The following METTL23 variants were observed in gnomAD, a reference collection of about 807,000 sequenced individuals.
METTL23 encodes the protein histone-arginine methyltransferase METTL23.
METTL23 carries 24 observed loss-of-function variants against 21.2 expected under a neutral mutation model. The ratio of observed to expected loss-of-function variants is 1.13; its 90% CI spans 0.82 to 1.59. METTL23 has a LOEUF of 1.59. Among genes scored for constraint, METTL23 ranks in the 40% most tolerant of loss-of-function variants. The pLI is 0.00. For synonymous variants in METTL23, 97 were observed against 75.2 expected (o/e 1.29, Z -1.50); for missense variants, 276 against 221.4 (o/e 1.25, Z -1.57).
intron 2 of METTL23, among the ~76,000 whole-genome samples, chr17:76,732,392 T>G (rs963394942): frequency 6.6e-6 from 1 of 151,896 alleles, no homozygotes; most frequent in Admixed American, 6.6e-5. Flanking sequence ...TCCCAGCTAC[T>G]TGGGAGGCTG....
rs2077350964 is a variant in METTL23, at chr17:76,733,701, C to G, written c.*15C>G. 3 of 1,608,274 alleles carry G rather than the reference C, an allele frequency of 1.9e-6. No individual in the cohort carries two copies. The African/African-American group carries it at 4.0e-5, about 22-fold the overall frequency. Reference sequence around the variant, plus strand: ...ACAGTCTCTGAATTATACCTACAACCTGTTCTGGGACAGTATCAATACTGA... The same window carrying G: ...ACAGTCTCTGAATTATACCTACAACGTGTTCTGGGACAGTATCAATACTGA... On this transcript the variant is annotated 3_prime_UTR_variant, in exon 5 of 5. Coordinates refer to ENST00000341249, the MANE Select transcript of METTL23 (RefSeq NM_001080510.5).
chr17:76,727,107 C>T lies in METTL23; in HGVS notation c.-93C>T, dbSNP rs1224769582. On this transcript the variant is annotated 5_prime_UTR_variant, in exon 1 of 5. Coordinates refer to ENST00000341249, the MANE Select transcript of METTL23 (RefSeq NM_001080510.5). ...TTTCCGAGGACAGGGGGTCCGGGCC[C>T]AGCGCTTTCGATTCTCGGAGGAGCC... 2.2e-6 allele frequency: 1 copy of T among 453,794 alleles called. No homozygotes were observed. Among genetic ancestry groups the T allele is most frequent in the Non-Finnish European group, 4.4e-6 (1 of 225,934 alleles). 28.1% of individuals were successfully genotyped at this position (453,794 alleles called of 1,614,324 possible).
Position 76,733,618 on chromosome 17 carries a change from G to T in METTL23, c.505G>T (p.Glu169Ter), listed in dbSNP as rs760840008. The change falls in exon 5 of 5, where the codon GAA becomes TAA. Residue 169 changes from glutamate to a stop codon, truncating the protein, a stop_gained. Transcript: ENST00000341249. LOFTEE classifies it high-confidence loss of function. ...SFDADKEDIAESTLPGRHTVE... is the reference protein window; with the variant it reads ...SFDADKEDIA ...TGATGCAGACAAAGAAGATATAGCAGAATCTACCCTTCCAGGAAGACATAC... is the reference window on the plus strand; with the variant it reads ...TGATGCAGACAAAGAAGATATAGCATAATCTACCCTTCCAGGAAGACATAC... 1 of 1,613,800 alleles carries T rather than the reference G, an allele frequency of 6.2e-7. No homozygotes were observed. The highest frequency in any genetic ancestry group is 8.5e-7 in the Non-Finnish European group (1 of 1,179,834).
At chr17:76,730,023 G>A (rs902929625) in intron 2 of METTL23, among the ~76,000 whole-genome samples, 5 of 152,142 alleles carry the variant, frequency 3.3e-5, no homozygotes, top group Admixed American at 6.6e-5. Context: ...TGGGCATGGT[G>A]GCTCACGCCT....
upstream of METTL23, chr17:76,726,258 G>T (rs1013734949): frequency 1.0e-5 from 15 of 1,454,626 alleles, no homozygotes; most frequent in Middle Eastern, 2.2e-4. Flanking sequence ...CGGGCGCTCG[G>T]GGCGAGGGCA....
In METTL23 at chr17:76,733,721, TACTGATG is replaced by T; in HGVS notation, c.*37_*43del. The T allele has an allele frequency of 5.1e-6, 8 of 1,571,722 alleles. No individual in the cohort carries two copies. The highest frequency in any genetic ancestry group is 6.0e-6 in the Non-Finnish European group (7 of 1,157,252). ...ACAACCTGTTCTGGGACAGTATCAA[TACTGATG>T]AGCAACCTGGCACACAAACTATGAG... On this transcript the variant is annotated 3_prime_UTR_variant, in exon 5 of 5. Transcript: ENST00000341249.
intron 2 of METTL23, among the ~76,000 whole-genome samples, chr17:76,731,940 T>C (rs1196093568): frequency 1.3e-5 from 2 of 152,238 alleles, no homozygotes; most frequent in South Asian, 2.1e-4. Context: ...TATTATTTCT[T>C]AGTGTCTGCA....
rs1555651406 is a variant in METTL23 at position 76,733,195 on chromosome 17, A to T, written c.302A>T (p.Asp101Val). 6.2e-7 allele frequency: 1 copy of T among 1,613,828 alleles called. No individual in the cohort carries two copies. Among genetic ancestry groups the T allele is most frequent in the East Asian group, 2.2e-5 (1 of 44,884 alleles). The change falls in exon 3 of 5, where the codon GAT becomes GTT. Residue 101 changes from aspartate (D) to valine (V), a missense_variant. Asp to Val is a radical substitution (Grantham distance 152). Transcript: ENST00000341249. ...CCACAAGATATTATCCTTGCATCTG[A>T]TGTGTTCTTTGAACCAGAAGGTAAG... ...LPPQDIILASDVFFEPEDFED... is the reference protein window; with the variant it reads ...LPPQDIILASVVFFEPEDFED...
At chr17:76,729,026 C>T (rs1317900230) in intron 1 of METTL23, among the ~76,000 whole-genome samples, 2 of 150,668 alleles carry the variant, frequency 1.3e-5, no homozygotes, top group Non-Finnish European at 3.0e-5. Context: ...GTCTCGATCT[C>T]CTGACCTGAT....
At position 76,733,589 on chromosome 17, in the gene METTL23, C is replaced by G. The variant is rs2077340449; in HGVS notation, c.476C>G (p.Ser159Cys). 2 of 1,613,816 alleles carry G rather than the reference C, an allele frequency of 1.2e-6. No homozygotes were observed. Among genetic ancestry groups the G allele is most frequent in the Non-Finnish European group, 1.7e-6 (2 of 1,179,816 alleles). Residue 159 changes from serine to cysteine, a missense_variant, in exon 5 of 5, where the codon TCT becomes TGT. Transcript: ENST00000341249. ...AAATGTGTCCACATTCCTCTTGAGT[C>G]TTTTGATGCAGACAAAGAAGATATA... ...DMKCVHIPLESFDADKEDIAE... is the reference protein window; with the variant it reads ...DMKCVHIPLECFDADKEDIAE...
intron 1 of METTL23, among the ~76,000 whole-genome samples, chr17:76,728,126 C>T (rs913708230): frequency 2.0e-4 from 30 of 152,062 alleles, no homozygotes; most frequent in African/African-American, 7.2e-4. Flanking sequence ...GCCCCAGCTA[C>T]TCCGGAGGGT....
intron 2 of METTL23, chr17:76,732,730 A>G: frequency 3.7e-6 from 2 of 540,550 alleles, no homozygotes; most frequent in East Asian, 6.3e-5. Context: ...ACTGCCAGTT[A>G]CGATACATGG....
rs1188090753 is a variant in METTL23 at position 76,733,273 on chromosome 17, C to T, written c.323-20C>T. On this transcript the variant is annotated intron_variant, in intron 3 of 4. Coordinates refer to ENST00000341249, the MANE Select transcript of METTL23 (RefSeq NM_001080510.5). The stretch of plus-strand genomic sequence containing the variant: ...CAGTGATGCTATATGAAAATCTATT[C>T]ATAAATCCTTTCTCCTCAGATTTTG... The T allele has an allele frequency of 6.2e-7, 1 of 1,613,366 alleles. No individual in the cohort carries two copies. The highest frequency in any genetic ancestry group is 8.5e-7 in the Non-Finnish European group (1 of 1,179,424).
chr17:76,726,689 A>T (rs2076948164), upstream of METTL23: 3 of 609,970 alleles, frequency 4.9e-6, no homozygotes, highest in Non-Finnish European at 5.5e-6. Context: ...CCCCGCCCCG[A>T]CGCCTCTCGC....
intron 2 of METTL23, among the ~76,000 whole-genome samples, chr17:76,732,084 G>A (rs1340954163): frequency 2.0e-5 from 3 of 152,176 alleles, no homozygotes; most frequent in African/African-American, 4.8e-5. Context: ...TAGGCTGAGT[G>A]CTGTGGCTCA....
chr17:76,732,151 A>T (rs2077234590), intron 2 of METTL23, among the ~76,000 whole-genome samples: 1 of 145,586 alleles, frequency 6.9e-6, no homozygotes. Context: ...TGAGGTCAGG[A>T]GTTCAAGACC....
rs1364676414 is a variant in METTL23 at position 76,733,827 on chromosome 17, C to T, written c.*141C>T. ...TGTTTGCCTTAGATTTTGATGTCAC[C>T]TAGACAACACTTAAACTCATATGAA... On this transcript the variant is annotated 3_prime_UTR_variant, in exon 5 of 5. Coordinates refer to ENST00000341249, the MANE Select transcript of METTL23 (RefSeq NM_001080510.5). The T allele has an allele frequency of 3.2e-6, 2 of 616,590 alleles. No homozygotes were observed. Among genetic ancestry groups the T allele is most frequent in the African/African-American group, 3.7e-5 (2 of 53,710 alleles). The allele number at this position is 616,590 out of a possible 1,614,324, so 38.2% of individuals were successfully genotyped here. A position where few individuals can be genotyped will look rare whatever the true frequency, so the allele number is the denominator to read the frequency against.
In METTL23 at chr17:76,733,107, C is replaced by CAGGTGGTAGGACTG; in HGVS notation, c.214_215insAGGTGGTAGGACTG (p.Pro72GlnfsTer11). 6.2e-7 allele frequency: 1 copy of CAGGTGGTAGGACTG among 1,613,310 alleles called. No individual in the cohort carries two copies. Among genetic ancestry groups the CAGGTGGTAGGACTG allele is most frequent in the Non-Finnish European group, 8.5e-7 (1 of 1,179,596 alleles). ...GCAAAGCTGCCAAATGAATAACCTGCCACATCTGCAGGTGGTAGGACTAAC... is the reference window on the plus strand; with the variant it reads ...GCAAAGCTGCCAAATGAATAACCTGCAGGTGGTAGGACTGCACATCTGCAGGTGGTAGGACTAAC... On this transcript the variant is annotated frameshift_variant, in exon 3 of 5. Coordinates refer to ENST00000341249, the MANE Select transcript of METTL23 (RefSeq NM_001080510.5). LOFTEE classifies it high-confidence loss of function.
intron 1 of METTL23, among the ~76,000 whole-genome samples, chr17:76,728,420 T>TTTTTTTTTTTTTTTTTTTTTTTTTG (rs1568008598): frequency 7.8e-6 from 1 of 127,782 alleles, no homozygotes; most frequent in African/African-American, 3.5e-5. Context: ...GGATTTTTTT[T>TTTTTTTTTTTTTTTTTTTTTTTTTG]TTTTTTTTTG....
Sources: allele counts gnomAD v4.1 joint callset (sites outside exome capture counted in the v4.1 genomes callset), GRCh38; gene constraint gnomAD v4.1.1; transcripts MANE v1.5; gene names NCBI Gene and HGNC (gene_info 2026-07-23, HGNC 2026-07-21).